The following KMT2C variants were observed in gnomAD, a reference collection of about 807,000 sequenced individuals.
KMT2C encodes lysine methyltransferase 2C, also known as histone-lysine N-methyltransferase 2C.
KMT2C carries 88 observed loss-of-function variants against 507.9 expected under a neutral mutation model. The observed-to-expected ratio is 0.17, with a 90% CI of 0.15 to 0.21. The LOEUF (loss-of-function observed/expected upper bound fraction) is 0.21. Among genes scored for constraint, KMT2C ranks in the 10% least tolerant of loss-of-function variants. KMT2C has a pLI of 1.00. For synonymous variants in KMT2C, 2,049 were observed against 2,080.8 expected, an observed-to-expected ratio of 0.98 and a Z score of 0.42; for missense variants, 4,954 against 5,957.8, an observed-to-expected ratio of 0.83 and a Z score of 5.55.
At chr7:152,385,045 T>C (rs531473775) in intron 1 of KMT2C, among the ~76,000 whole-genome samples, 135 of 151,850 alleles carry the variant, frequency 8.9e-4, no homozygotes, top group Non-Finnish European at 1.8e-3. Flanking sequence ...TGCACCACAA[T>C]ATAAGAAGCA....
chr7:152,307,206 G>GAAGGAAGGAAGGAAGA (rs2096624360), intron 6 of KMT2C, among the ~76,000 whole-genome samples: 1 of 113,410 alleles, frequency 8.8e-6, no homozygotes. Flanking sequence ...AGGAAGGAAG[G>GAAGGAAGGAAGGAAGA]AAGGAAGGAA....
chr7:152,310,559 C>T (rs976968350), intron 5 of KMT2C, among the ~76,000 whole-genome samples: 2 of 152,110 alleles, frequency 1.3e-5, no homozygotes, highest in East Asian at 3.9e-4. Context: ...AGCAAGACTC[C>T]GTCTCAAAAT....
At chr7:152,139,391 A>G (rs774576222) in intron 56 of KMT2C, 132 bp from the exon 57 acceptor site, 11 of 771,874 alleles carry the variant, frequency 1.4e-5, no homozygotes, top group Non-Finnish European at 2.2e-5. Flanking sequence ...TGGATATTCT[A>G]TTAGGCACAG....
intron 40 of KMT2C, among the ~76,000 whole-genome samples, chr7:152,169,932 A>G (rs1457004654): frequency 6.6e-6 from 1 of 152,236 alleles, no homozygotes; most frequent in Non-Finnish European, 1.5e-5. Context: ...CTGAACAAGC[A>G]GTTATTAATC....
intron 1 of KMT2C, chr7:152,366,952 C>T (rs2097252038): frequency 1.9e-6 from 1 of 518,604 alleles, no homozygotes. Context: ...CGCAAGGTCG[C>T]GCAGAAGCTC....
intron 6 of KMT2C, among the ~76,000 whole-genome samples, chr7:152,277,976 T>G (rs2096117272): frequency 6.7e-6 from 1 of 149,006 alleles, no homozygotes. Flanking sequence ...TTTATGTATG[T>G]GTGTGTGTGT....
rs1270561576 is a variant in KMT2C, at chr7:152,236,204, A to G, written c.2653-271T>C. The stretch of plus-strand genomic sequence containing the variant: ...CCTTTGCATGATTTTTCTCTTTCCC[A>G]CTCCTACATTCTTGGTGACGACAAC... On this transcript the variant is annotated intron_variant, in intron 15 of 58. Coordinates refer to ENST00000262189, the MANE Select transcript of KMT2C (RefSeq NM_170606.3). Among the ~76,000 whole-genome samples the G allele has an allele frequency of 2.0e-5, 3 of 152,240 alleles. No homozygotes were observed. In the East Asian group the frequency reaches 5.8e-4, roughly 29 times the overall value.
In KMT2C at chr7:152,177,527, A is replaced by T. The variant is rs1176394344; in HGVS notation, c.7926T>A (p.Ser2642=). 1 of 1,614,118 alleles carries T rather than the reference A, an allele frequency of 6.2e-7. No homozygotes were observed. Among genetic ancestry groups the T allele is most frequent in the Non-Finnish European group, 8.5e-7 (1 of 1,180,046 alleles). Residue 2642 remains serine (S), a synonymous_variant, in exon 38 of 59, where the codon TCT becomes TCA. Coordinates refer to ENST00000262189, the MANE Select transcript of KMT2C (RefSeq NM_170606.3). The stretch of plus-strand genomic sequence containing the variant: ...GGTTCAGAGTCCTCATGACCATAGA[A>T]GATGAATGGACAGAATGACCTTGCT... ...QQEQGHSVHS[S]SMVMRTLNHP...
At chr7:152,149,303 T>C (rs933099501) in intron 51 of KMT2C, 151 bp from the exon 52 acceptor site, 3 of 623,534 alleles carry the variant, frequency 4.8e-6, no homozygotes, top group African/African-American at 3.8e-5. Flanking sequence ...TGGGGGCTCA[T>C]GCACCGCAGA....
chr7:152,315,853 T>C (rs986156286), intron 3 of KMT2C, among the ~76,000 whole-genome samples: 13 of 152,016 alleles, frequency 8.6e-5, no homozygotes, highest in African/African-American at 2.7e-4. Context: ...GTAGAGGTTG[T>C]AGTAAGCTGA....
At chr7:152,353,380 A>G (rs545477515) in intron 2 of KMT2C, among the ~76,000 whole-genome samples, 1 of 152,302 alleles carries the variant, frequency 6.6e-6, no homozygotes, top group Admixed American at 6.5e-5. Context: ...GCTGAGATAA[A>G]GATGAAATTT....
rs2092918569 is a variant in KMT2C at position 152,170,565 on chromosome 7, TGA to T, written c.9453+697_9453+698del. ...TCACCCAAGCTGGAGTGCAGTGGCG[TGA>T]TCTCGGCTCACTGCAACCTCTGCCT... On this transcript the variant is annotated intron_variant, in intron 40 of 58. Transcript: ENST00000262189. Among the ~76,000 whole-genome samples, 3 of 152,174 alleles carry T rather than the reference TGA, an allele frequency of 2.0e-5. No individual in the cohort carries two copies. The South Asian group carries it at 6.2e-4, about 32-fold the overall frequency.
intron 1 of KMT2C, among the ~76,000 whole-genome samples, chr7:152,387,646 AT>A (rs1276958252): frequency 6.6e-6 from 1 of 151,966 alleles, no homozygotes; most frequent in Non-Finnish European, 1.5e-5. Context: ...AATTTTTTGT[AT>A]TTTTTAGTAG....
At chr7:152,153,021 C>T (rs1193064161) in intron 48 of KMT2C, 67 bp from the exon 49 acceptor site, 4 of 1,563,204 alleles carry the variant, frequency 2.6e-6, no homozygotes, top group Admixed American at 1.7e-5. Context: ...AAGAAAAATA[C>T]ACACTTAGGA....
intron 28 of KMT2C, 84 bp from the exon 29 acceptor site, chr7:152,194,652 A>G (rs2129129943): frequency 1.1e-6 from 1 of 923,428 alleles, no homozygotes. Context: ...TGTACTTAGT[A>G]TATAACAATA....
chr7:152,310,038 T>G lies in KMT2C; in HGVS notation c.777A>C (p.Ser259=). The G allele has an allele frequency of 6.2e-7, 1 of 1,613,920 alleles. No homozygotes were observed. Among genetic ancestry groups the G allele is most frequent in the Non-Finnish European group, 8.5e-7 (1 of 1,179,880 alleles). Residue 259 remains serine, a synonymous_variant, in exon 6 of 59, where the codon TCA becomes TCC. Coordinates refer to ENST00000262189, the MANE Select transcript of KMT2C (RefSeq NM_170606.3). The part of the protein sequence containing the change: ...CWAHHRCVEW[S]LGVCQMEEPL... ...GTTCTTCCATCTGGCATACTCCTAG[T>G]GACCACTCCACACAACGGTGATGAG...
intron 6 of KMT2C, among the ~76,000 whole-genome samples, chr7:152,287,827 C>T (rs1693207492): frequency 6.6e-6 from 1 of 151,790 alleles, no homozygotes; most frequent in African/African-American, 2.4e-5. Context: ...AGTTCGAGAC[C>T]AGCCTGGCCA....
chr7:152,194,939 G>C (rs946257336), intron 28 of KMT2C, among the ~76,000 whole-genome samples: 1 of 151,654 alleles, frequency 6.6e-6, no homozygotes, highest in African/African-American at 2.4e-5. Context: ...CAAATGTACA[G>C]TTCAATTATT....
intron 6 of KMT2C, among the ~76,000 whole-genome samples, chr7:152,303,153 A>G (rs935144685): frequency 2.0e-5 from 3 of 152,226 alleles, no homozygotes; most frequent in African/African-American, 7.2e-5. Context: ...TAAAAAATGA[A>G]TAAAGTTTCC....
Sources: gnomAD v4.1 joint callset for allele counts (sites outside exome capture counted in the v4.1 genomes callset) on GRCh38, gnomAD v4.1.1 for gene constraint, MANE v1.5 for transcripts, NCBI Gene and HGNC (gene_info 2026-07-23, HGNC 2026-07-21) for gene names.